The following MCPH1 variants were observed in gnomAD, a reference collection of about 807,000 sequenced individuals.
The protein encoded by MCPH1 is microcephalin 1, also known as microcephalin.
MCPH1 carries 104 observed loss-of-function variants against 84.5 expected under a neutral mutation model. The observed-to-expected ratio is 1.23, with a 90% CI of 1.05 to 1.45. The LOEUF (loss-of-function observed/expected upper bound fraction) is 1.45. MCPH1 is among the 40% of genes most tolerant of loss of function. MCPH1 has a pLI of 0.00. For synonymous variants in MCPH1, 514 were observed against 366.8 expected (o/e 1.40, Z -4.58); for missense variants, 1,498 against 1,005.7 (o/e 1.49, Z -6.62).
chr8:6,425,265 C>T (rs553545528), intron 3 of MCPH1, among the ~76,000 whole-genome samples: 18 of 152,274 alleles, frequency 1.2e-4, no homozygotes, highest in African/African-American at 4.3e-4. Flanking sequence ...TTAGAGACAT[C>T]TCTTGAAACA....
chr8:6,551,393 A>C (rs796077101), intron 12 of MCPH1, among the ~76,000 whole-genome samples: 14 of 152,350 alleles, frequency 9.2e-5, no homozygotes, highest in African/African-American at 3.4e-4. Flanking sequence ...AACTGTAAAC[A>C]AATTATATGT....
chr8:6,577,165 C>G (rs753096707), intron 12 of MCPH1, among the ~76,000 whole-genome samples: 20 of 152,318 alleles, frequency 1.3e-4, no homozygotes, highest in Admixed American at 3.3e-4. Context: ...AAGGGAATCT[C>G]GTTAATCCAG....
chr8:6,409,206 A>T, intron 1 of MCPH1, 73 bp from the exon 2 acceptor site: 1 of 1,299,520 alleles, frequency 7.7e-7, no homozygotes, highest in South Asian at 1.2e-5. Flanking sequence ...TTAAATGTAA[A>T]TAGAACAAAA....
At chr8:6,642,176 T>C (rs748615528) in intron 13 of MCPH1, among the ~76,000 whole-genome samples, 1 of 152,240 alleles carries the variant, frequency 6.6e-6, no homozygotes, top group African/African-American at 2.4e-5. Context: ...ATTATAATTA[T>C]ATATTCACAC....
At chr8:6,484,647 C>T (rs1809639417) in intron 11 of MCPH1, among the ~76,000 whole-genome samples, 1 of 152,238 alleles carries the variant, frequency 6.6e-6, no homozygotes, top group Non-Finnish European at 1.5e-5. Flanking sequence ...GTGAATGGAT[C>T]AACCAGCTGG....
intron 3 of MCPH1, among the ~76,000 whole-genome samples, 173 bp from the exon 4 acceptor site, chr8:6,431,326 G>A (rs1179271234): frequency 2.0e-5 from 3 of 152,110 alleles, no homozygotes; most frequent in African/African-American, 7.2e-5. Context: ...ATGATTTTGG[G>A]AAGTTTGATT....
At chr8:6,521,451 A>C in intron 12 of MCPH1, 2 of 1,360,906 alleles carry the variant, frequency 1.5e-6, no homozygotes. Flanking sequence ...AGGCTATTCT[A>C]ATGAAATATT....
At chr8:6,524,754 C>T (rs1012049407) in intron 12 of MCPH1, among the ~76,000 whole-genome samples, 6 of 152,204 alleles carry the variant, frequency 3.9e-5, no homozygotes, top group African/African-American at 1.4e-4. Context: ...TGAGGAAAAA[C>T]TACCCTTGTG....
At chr8:6,639,487 C>T (rs902458455) in intron 13 of MCPH1, among the ~76,000 whole-genome samples, 1 of 152,008 alleles carries the variant, frequency 6.6e-6, no homozygotes, top group East Asian at 1.9e-4. Flanking sequence ...ATAGAAAGAC[C>T]GTGTCCCTAC....
chr8:6,455,083 C>A, intron 8 of MCPH1, 60 bp from the exon 9 acceptor site: 1 of 1,313,756 alleles, frequency 7.6e-7, no homozygotes, highest in African/African-American at 1.4e-5. Context: ...TTTTGTTTTG[C>A]TTAAGTTGTA....
At chr8:6,560,188 G>A (rs1295256484) in intron 12 of MCPH1, among the ~76,000 whole-genome samples, 7 of 152,104 alleles carry the variant, frequency 4.6e-5, no homozygotes, top group Admixed American at 2.6e-4. Flanking sequence ...CATTTTTAGT[G>A]CTGATCCAGG....
intron 8 of MCPH1, chr8:6,445,859 T>C (rs1371524482): frequency 8.3e-6 from 9 of 1,083,258 alleles, no homozygotes; most frequent in African/African-American, 3.3e-5. Flanking sequence ...TTTTTCCTTA[T>C]TCCATTGGAG....
At position 6,486,262 on chromosome 8, in the gene MCPH1, A is replaced by ATCTCTCTCTC. The variant is rs56247663; in HGVS notation, c.2136+5410_2136+5419dup. ...TATACATTGACTTTGTGTACAAGGAATCTCTCTCTCTCTCTCTCTCTCTCT... is the reference window on the plus strand; with the variant it reads ...TATACATTGACTTTGTGTACAAGGAATCTCTCTCTCTCTCTCTCTCTCTCTCTCTCTCTCT... On this transcript the variant is annotated intron_variant, in intron 11 of 13. Coordinates refer to ENST00000344683, the MANE Select transcript of MCPH1 (RefSeq NM_024596.5). 3.1e-3 allele frequency among the ~76,000 whole-genome samples: 451 copies of ATCTCTCTCTC among 147,180 alleles called. 2 individuals carry two copies. Among genetic ancestry groups the ATCTCTCTCTC allele is most frequent in the Non-Finnish European group, 4.8e-3 (317 of 66,608 alleles).
At chr8:6,638,408 A>G (rs778407220) in intron 13 of MCPH1, among the ~76,000 whole-genome samples, 1 of 152,144 alleles carries the variant, frequency 6.6e-6, no homozygotes, top group African/African-American at 2.4e-5. Context: ...GATGCTGGCA[A>G]TCGCAGTTTT....
chr8:6,629,516 A>C (rs1327533806), intron 13 of MCPH1, among the ~76,000 whole-genome samples: 2 of 152,180 alleles, frequency 1.3e-5, no homozygotes, highest in South Asian at 2.1e-4. Flanking sequence ...ATATTTTTGC[A>C]CAGAGAAGAG....
At chr8:6,621,012 T>G (rs1831353901) in intron 12 of MCPH1, 1 of 238,474 alleles carries the variant, frequency 4.2e-6, no homozygotes, top group South Asian at 5.5e-5. Context: ...AGTCCTTTTC[T>G]GCCAACAGCC....
chr8:6,422,299 C>T (rs2916769), intron 3 of MCPH1, among the ~76,000 whole-genome samples: 1,929 of 151,562 alleles, frequency 0.013, 46 homozygotes, highest in African/African-American at 0.043. Context: ...AGTTAAGTGG[C>T]GTAGAGATAC....
intron 12 of MCPH1, among the ~76,000 whole-genome samples, chr8:6,611,124 ACACACT>A: frequency 7.5e-6 from 1 of 133,534 alleles, no homozygotes; most frequent in East Asian, 2.3e-4. Flanking sequence ...TCTCTCACAC[ACACACT>A]CACACACACA....
chr8:6,630,238 A>T (rs1037742409), intron 13 of MCPH1, among the ~76,000 whole-genome samples: 6 of 152,204 alleles, frequency 3.9e-5, no homozygotes, highest in Non-Finnish European at 8.8e-5. Context: ...ATAAATATTA[A>T]AAATCCTGAC....
Sources: allele counts gnomAD v4.1 joint callset (sites outside exome capture counted in the v4.1 genomes callset), GRCh38; gene constraint gnomAD v4.1.1; transcripts MANE v1.5; gene names NCBI Gene and HGNC (gene_info 2026-07-23, HGNC 2026-07-21).